The following PDZD2 variants were observed in gnomAD, a reference collection of about 807,000 sequenced individuals.
The protein encoded by PDZD2 is PDZ domain-containing protein 2.
In PDZD2, 90 loss-of-function variants were observed where a neutral mutation model predicts 220.7. The ratio of observed to expected loss-of-function variants is 0.41; its 90% CI spans 0.34 to 0.49. The LOEUF (loss-of-function observed/expected upper bound fraction) is 0.49, where lower values mean the gene tolerates loss of function less well. Ranked by LOEUF, PDZD2 falls within the 20% of genes least tolerant of loss-of-function variation. PDZD2 has a pLI of 0.28. For synonymous variants in PDZD2, 1,375 were observed against 1,450.5 expected, an observed-to-expected ratio of 0.95 and a Z score of 1.18; for missense variants, 3,174 against 3,608.5, an observed-to-expected ratio of 0.88 and a Z score of 3.08.
At chr5:31,949,097 C>CA (rs34780210) in intron 2 of PDZD2, among the ~76,000 whole-genome samples, 2,923 of 54,906 alleles carry the variant, frequency 0.053, 348 homozygotes, top group African/African-American at 0.11. Flanking sequence ...GACTCTGTCT[C>CA]AAAAAAAAAA....
At chr5:31,944,691 C>T (rs1196883226) in intron 2 of PDZD2, among the ~76,000 whole-genome samples, 9 of 152,180 alleles carry the variant, frequency 5.9e-5, no homozygotes, top group Admixed American at 5.9e-4. Context: ...GGTGGAAGCT[C>T]AGGCTCTGGG....
intron 18 of PDZD2, 71 bp from the exon 19 acceptor site, chr5:32,077,391 A>G: frequency 6.6e-7 from 1 of 1,511,756 alleles, no homozygotes; most frequent in South Asian, 1.1e-5. Context: ...TGCTCTCTAT[A>G]TATGATCTCA....
intron 1 of PDZD2, among the ~76,000 whole-genome samples, chr5:31,701,842 A>G (rs1747623311): frequency 6.6e-6 from 1 of 152,220 alleles, no homozygotes; most frequent in South Asian, 2.1e-4. Flanking sequence ...TTAATTAGCA[A>G]GCTGGGGAGC....
chr5:32,002,980 CA>C (rs1752379568), intron 5 of PDZD2, among the ~76,000 whole-genome samples: 1 of 134,684 alleles, frequency 7.4e-6, no homozygotes. Flanking sequence ...ACACACACAC[CA>C]CACACACCCC....
At chr5:31,764,185 T>C (rs1297519279) in intron 1 of PDZD2, among the ~76,000 whole-genome samples, 2 of 152,216 alleles carry the variant, frequency 1.3e-5, no homozygotes, top group African/African-American at 4.8e-5. Context: ...TTTCTCATGA[T>C]AAAGTAAAGC....
chr5:31,639,683 A>G lies in PDZD2; in HGVS notation c.-361+246A>G, dbSNP rs1341033923. Among the ~76,000 whole-genome samples, 3 of 152,034 alleles carry G rather than the reference A, an allele frequency of 2.0e-5. No homozygotes were observed. The highest frequency in any genetic ancestry group is 4.1e-4 in the South Asian group (2 of 4,830). On this transcript the variant is annotated intron_variant, in intron 1 of 24. Coordinates refer to ENST00000438447, the MANE Select transcript of PDZD2 (RefSeq NM_178140.4). The surrounding 1 kb of genome is among the most constrained non-coding windows in gnomAD (Gnocchi z 4.1). ...CGCAGCCCAGGGGAGGGGGCTAGAC[A>G]GAGCGGGACCGAGACAGCGGGACAA...
chr5:31,891,984 C>T (rs934786149), intron 2 of PDZD2, among the ~76,000 whole-genome samples: 1 of 152,122 alleles, frequency 6.6e-6, no homozygotes, highest in African/African-American at 2.4e-5. Context: ...GATCATAGCT[C>T]ACTGCAGCTT....
intron 1 of PDZD2, among the ~76,000 whole-genome samples, chr5:31,777,061 G>A (rs1307324762): frequency 2.6e-5 from 4 of 152,286 alleles, no homozygotes; most frequent in East Asian, 3.9e-4. Flanking sequence ...TGGGCTGGCC[G>A]AGCCTGGAGC....
intron 1 of PDZD2, among the ~76,000 whole-genome samples, chr5:31,791,556 C>G (rs1346867359): frequency 1.5e-5 from 2 of 133,750 alleles, no homozygotes; most frequent in African/African-American, 5.8e-5. Context: ...TGCCATTGCA[C>G]TCCAGCCTGG....
chr5:32,021,525 T>G lies in PDZD2; in HGVS notation c.1407+11043T>G, dbSNP rs771570925. Among the ~76,000 whole-genome samples the G allele has an allele frequency of 9.9e-4, 150 of 152,240 alleles. 1 individual carries two copies. The highest frequency in any genetic ancestry group is 3.4e-3 in the Middle Eastern group (1 of 294). On this transcript the variant is annotated intron_variant, in intron 6 of 24. Coordinates refer to ENST00000438447, the MANE Select transcript of PDZD2 (RefSeq NM_178140.4). ...GTTGGCCAGGCTGGTCTTTAATTCC[T>G]GACCTCAAGTGATCCACCTGCCTCA... is the stretch of plus-strand genomic sequence containing the variant.
At chr5:31,676,393 G>C (rs1448606130) in intron 1 of PDZD2, among the ~76,000 whole-genome samples, 3 of 152,136 alleles carry the variant, frequency 2.0e-5, no homozygotes, top group Non-Finnish European at 2.9e-5. Flanking sequence ...CAGAAGGAGT[G>C]ACAAGTGGAC....
intron 6 of PDZD2, among the ~76,000 whole-genome samples, chr5:32,020,740 G>A (rs1314441230): frequency 6.6e-6 from 1 of 151,702 alleles, no homozygotes; most frequent in African/African-American, 2.4e-5. Flanking sequence ...TGCCTCCCAG[G>A]TTCAAGCGAT....
chr5:31,778,894 G>A (rs1009513898), intron 1 of PDZD2, among the ~76,000 whole-genome samples: 8 of 152,108 alleles, frequency 5.3e-5, no homozygotes, highest in South Asian at 2.1e-4. Flanking sequence ...GATGAAAACC[G>A]TCATTTTAGT....
At chr5:32,058,535 G>C (rs532405652) in intron 12 of PDZD2, among the ~76,000 whole-genome samples, 24 of 151,668 alleles carry the variant, frequency 1.6e-4, no homozygotes, top group Non-Finnish European at 2.8e-4. Context: ...TTAGCTGGGC[G>C]TGGTGGCAAG....
chr5:31,738,820 T>C (rs1750063302), intron 1 of PDZD2, among the ~76,000 whole-genome samples: 1 of 152,184 alleles, frequency 6.6e-6, no homozygotes, highest in Non-Finnish European at 1.5e-5. Context: ...CCCCATCTCT[T>C]TAGAAAAGTG....
intron 6 of PDZD2, among the ~76,000 whole-genome samples, chr5:32,018,401 C>T (rs1753937881): frequency 6.6e-6 from 1 of 152,214 alleles, no homozygotes; most frequent in South Asian, 2.1e-4. Flanking sequence ...CCAACTGTCT[C>T]CCTATTTTCT....
chr5:31,972,108 C>G (rs1330607976), intron 2 of PDZD2, among the ~76,000 whole-genome samples: 2 of 152,150 alleles, frequency 1.3e-5, no homozygotes, highest in African/African-American at 4.8e-5. Context: ...CATGCTGGAA[C>G]CTTTGTAGCC....
At chr5:31,763,429 C>T (rs116547702) in intron 1 of PDZD2, among the ~76,000 whole-genome samples, 2,258 of 152,196 alleles carry the variant, frequency 0.015, 53 homozygotes, top group African/African-American at 0.052. Context: ...AATAAAGAAA[C>T]TCATGAACCT....
In PDZD2 at chr5:31,896,707, C is replaced by T. The variant is rs530410966; in HGVS notation, c.477-86448C>T. Among the ~76,000 whole-genome samples, 3 of 152,336 alleles carry T rather than the reference C, an allele frequency of 2.0e-5. No homozygotes were observed. In the South Asian group the frequency reaches 6.2e-4, roughly 32 times the overall value. The stretch of plus-strand genomic sequence containing the variant: ...GTGCTATGGCTCATGGCTGTAATCA[C>T]AGCACTTCACCAGAGGCCAAGGTGG... On this transcript the variant is annotated intron_variant, in intron 2 of 24. Transcript: ENST00000438447.
Sources: gnomAD v4.1 joint callset for allele counts (sites outside exome capture counted in the v4.1 genomes callset) on GRCh38, gnomAD v4.1.1 for gene constraint, Gnocchi (gnomAD v3.1) non-coding constraint, MANE v1.5 for transcripts, NCBI Gene and HGNC (gene_info 2026-07-23, HGNC 2026-07-21) for gene names.